The following ACACA variants were observed in gnomAD, a reference collection of about 807,000 sequenced individuals.
ACACA encodes acetyl-CoA carboxylase alpha, also known as acetyl-CoA carboxylase 1.
In ACACA, 103 loss-of-function variants were observed where a neutral mutation model predicts 296.1. That is an observed-to-expected ratio of 0.35 (90% CI 0.30 to 0.41). The LOEUF is 0.41. ACACA is among the 10% of genes least tolerant of loss of function. The pLI, the probability that ACACA is intolerant of heterozygous loss-of-function variation, is 1.00. For synonymous variants in ACACA, 953 were observed against 1,038.6 expected (o/e 0.92, Z 1.58); for missense variants, 1,554 against 2,989.7 (o/e 0.52, Z 11.20).
chr17:37,348,951 A>T (rs1450453340), intron 1 of ACACA, among the ~76,000 whole-genome samples: 1 of 151,384 alleles, frequency 6.6e-6, no homozygotes, highest in East Asian at 1.9e-4. Flanking sequence ...TCCGTCTCAA[A>T]AAAAAAAAAA....
At position 37,259,533 on chromosome 17, in the gene ACACA, C is replaced by CA. The variant is rs770541636; in HGVS notation, c.1330-4dup. On this transcript the variant is annotated splice_polypyrimidine_tract_variant and splice_region_variant and intron_variant, in intron 11 of 55. Transcript: ENST00000616317. ...ATTTTGGCAAGTTTCACCGCACACT[C>CA]AAAGAAGAGAGATAAGCAAACATAA... 82 of 1,614,164 alleles carry CA rather than the reference C, an allele frequency of 5.1e-5. No homozygotes were observed. The highest frequency in any genetic ancestry group is 6.9e-5 in the Non-Finnish European group (82 of 1,180,014).
intron 1 of ACACA, chr17:37,358,894 G>A: frequency 2.1e-6 from 2 of 961,692 alleles, no homozygotes; most frequent in Non-Finnish European, 2.5e-6. Context: ...GCCGCGTGCG[G>A]GTGAGCGGAG....
chr17:37,150,042 T>C, intron 44 of ACACA, 68 bp from the exon 45 acceptor site: 1 of 1,400,674 alleles, frequency 7.1e-7, no homozygotes, highest in South Asian at 1.2e-5. Context: ...AACTAAGGCA[T>C]AGATAAGTAA....
chr17:37,148,449 C>T (rs1221421470), intron 45 of ACACA, among the ~76,000 whole-genome samples: 1 of 152,168 alleles, frequency 6.6e-6, no homozygotes, highest in Admixed American at 6.5e-5. Context: ...ACAGAGCAAG[C>T]TGATCGCATC....
At chr17:37,286,738 C>G (rs1419703295) in intron 3 of ACACA, among the ~76,000 whole-genome samples, 3 of 152,140 alleles carry the variant, frequency 2.0e-5, no homozygotes, top group African/African-American at 4.8e-5. Flanking sequence ...CTCTGGACCT[C>G]ACTGCCTGGG....
chr17:37,223,366 A>G, intron 28 of ACACA, 146 bp downstream of exon 28: 1 of 718,200 alleles, frequency 1.4e-6, no homozygotes. Context: ...GAGTAAGCAC[A>G]TACTGTTTCA....
At chr17:37,197,471 C>T (rs973146055) in intron 35 of ACACA, among the ~76,000 whole-genome samples, 2 of 152,186 alleles carry the variant, frequency 1.3e-5, no homozygotes, top group Non-Finnish European at 2.9e-5. Context: ...GCATACATCA[C>T]AGTGGATTAT....
intron 32 of ACACA, 83 bp from the exon 33 acceptor site, chr17:37,205,955 A>G (rs1423471982): frequency 8.2e-7 from 1 of 1,220,140 alleles, no homozygotes; most frequent in African/African-American, 1.5e-5. Flanking sequence ...TTGGTAGAAT[A>G]CCTGAAAAAG....
intron 29 of ACACA, among the ~76,000 whole-genome samples, chr17:37,219,987 C>T (rs1375794348): frequency 1.3e-5 from 2 of 151,936 alleles, no homozygotes; most frequent in Admixed American, 1.3e-4. Context: ...ATGACAATAA[C>T]AATAATAATC....
At position 37,222,025 on chromosome 17, in the gene ACACA, T is replaced by C. The variant is rs138592708; in HGVS notation, c.3565-183A>G. On this transcript the variant is annotated intron_variant, in intron 28 of 55. Coordinates refer to ENST00000616317, the MANE Select transcript of ACACA (RefSeq NM_198834.3). ...TAATAAAGCTGGAGTCTTAATACTATAACCATGACTACTAATGAAAACAAA... is the reference window on the plus strand; with the variant it reads ...TAATAAAGCTGGAGTCTTAATACTACAACCATGACTACTAATGAAAACAAA... 11 of 619,198 alleles carry C rather than the reference T, an allele frequency of 1.8e-5. 1 individual carries two copies. The East Asian group carries it at 3.1e-4, about 17-fold the overall frequency. The allele number at this position is 619,198 out of a possible 1,614,324, so 38.4% of individuals were successfully genotyped here.
intron 52 of ACACA, among the ~76,000 whole-genome samples, chr17:37,101,744 G>T (rs1222126288): frequency 6.6e-6 from 1 of 152,202 alleles, no homozygotes; most frequent in African/African-American, 2.4e-5. Flanking sequence ...GTCTCCAATA[G>T]TTCCCATTCA....
At chr17:37,143,494 C>A in intron 45 of ACACA, 1 of 321,002 alleles carries the variant, frequency 3.1e-6, no homozygotes, top group Non-Finnish European at 5.8e-6. Flanking sequence ...TATGAAAATA[C>A]CACCAGGACA....
intron 14 of ACACA, among the ~76,000 whole-genome samples, chr17:37,255,157 G>A (rs2081171372): frequency 6.6e-6 from 1 of 151,918 alleles, no homozygotes; most frequent in Non-Finnish European, 1.5e-5. Context: ...TTGAAGCAGA[G>A]GTATAAGGAT....
intron 41 of ACACA, among the ~76,000 whole-genome samples, chr17:37,168,786 T>G (rs1284893389): frequency 6.6e-6 from 1 of 152,174 alleles, no homozygotes; most frequent in Non-Finnish European, 1.5e-5. Flanking sequence ...TAAACATATG[T>G]ATATATAGGT....
At chr17:37,301,532 T>A (rs748098440) in intron 3 of ACACA, 2 of 290,184 alleles carry the variant, frequency 6.9e-6, no homozygotes, top group Non-Finnish European at 1.0e-5. Flanking sequence ...ACACACACTG[T>A]GAGAGACTGT....
chr17:37,267,748 ACTTCTT>A (rs778700072), intron 10 of ACACA, among the ~76,000 whole-genome samples: 1 of 141,746 alleles, frequency 7.1e-6, no homozygotes, highest in African/African-American at 2.7e-5. Context: ...TCCTATATTG[ACTTCTT>A]CTTCTTCTTC....
intron 3 of ACACA, among the ~76,000 whole-genome samples, chr17:37,302,095 A>G (rs1479559226): frequency 6.6e-6 from 1 of 151,592 alleles, no homozygotes; most frequent in East Asian, 1.9e-4. Flanking sequence ...CTCCTGCCTC[A>G]GCCTCCCAAG....
At chr17:37,363,495 T>C (rs888968484) in intron 1 of ACACA, among the ~76,000 whole-genome samples, 3 of 152,032 alleles carry the variant, frequency 2.0e-5, no homozygotes, top group Non-Finnish European at 2.9e-5. Context: ...TTTTCTTTTT[T>C]TAAAGCATCC....
intron 1 of ACACA, among the ~76,000 whole-genome samples, chr17:37,347,940 G>C (rs1222133684): frequency 6.6e-6 from 1 of 152,122 alleles, no homozygotes; most frequent in African/African-American, 2.4e-5. Flanking sequence ...GGGAGGGCAA[G>C]GTGGGAGGAT....
Sources: allele counts gnomAD v4.1 joint callset (sites outside exome capture counted in the v4.1 genomes callset), GRCh38; gene constraint gnomAD v4.1.1; transcripts MANE v1.5; gene names NCBI Gene and HGNC (gene_info 2026-07-23, HGNC 2026-07-21).